ANK2: variants seen among roughly 807,000 people sequenced by gnomAD.
ANK2 encodes the protein ankyrin 2.
ANK2 carries 83 observed loss-of-function variants against 360.5 expected under a neutral mutation model. The ratio of observed to expected loss-of-function variants is 0.23; its 90% CI spans 0.19 to 0.28. The LOEUF is 0.28. Ranked by LOEUF, ANK2 falls within the 10% of genes least tolerant of loss-of-function variation. ANK2 has a pLI of 1.00. For synonymous variants in ANK2, 1,740 were observed against 1,759.5 expected (o/e 0.99, Z 0.28); for missense variants, 4,201 against 4,795.7 (o/e 0.88, Z 3.66).
At chr4:112,811,618 G>C in the ANK2 span, among the ~76,000 whole-genome samples, 1,262 of 152,216 alleles carry the variant, frequency 8.3e-3, 19 homozygotes, top group African/African-American at 0.029. Flanking sequence ...AGTATCCAGT[G>C]CCTTTATCAA....
At chr4:112,950,649 G>GAAAAAAAAAAA (rs55980674) in intron 2 of ANK2, among the ~76,000 whole-genome samples, 3 of 118,802 alleles carry the variant, frequency 2.5e-5, no homozygotes, top group South Asian at 2.5e-4. Flanking sequence ...GTCTCAAAAA[G>GAAAAAAAAAAA]AAAAAAAAAA....
chr4:112,770,561 C>T, the ANK2 span, among the ~76,000 whole-genome samples: 4 of 152,058 alleles, frequency 2.6e-5, no homozygotes, highest in Admixed American at 6.6e-5. Context: ...CAAAAATTAT[C>T]AGAGCATAGA....
chr4:113,202,002 G>A (rs1412510443), intron 4 of ANK2, among the ~76,000 whole-genome samples: 2 of 152,010 alleles, frequency 1.3e-5, no homozygotes, highest in South Asian at 2.1e-4. Flanking sequence ...CATTCATATT[G>A]TGCGAAAGTT....
At chr4:113,024,682 G>A (rs779519421) in intron 2 of ANK2, among the ~76,000 whole-genome samples, 40 of 152,080 alleles carry the variant, frequency 2.6e-4, no homozygotes, top group Non-Finnish European at 4.0e-4. Context: ...ATGGCATTAT[G>A]CAAATTTAAA....
chr4:113,102,245 A>G (rs1227615011), intron 1 of ANK2, among the ~76,000 whole-genome samples: 5 of 152,004 alleles, frequency 3.3e-5, no homozygotes, highest in African/African-American at 9.7e-5. Flanking sequence ...TTGGTGGAAA[A>G]ATTTATAAGA....
At chr4:112,761,360 C>G in the ANK2 span, among the ~76,000 whole-genome samples, 1 of 152,084 alleles carries the variant, frequency 6.6e-6, no homozygotes, top group Non-Finnish European at 1.5e-5. Flanking sequence ...GTGGCTCATG[C>G]CTGTAATCCC....
At chr4:112,805,026 A>G in the ANK2 span, among the ~76,000 whole-genome samples, 1 of 152,202 alleles carries the variant, frequency 6.6e-6, no homozygotes, top group Non-Finnish European at 1.5e-5. Context: ...TGAAGAACCA[A>G]TAAGAACAGT....
intron 2 of ANK2, among the ~76,000 whole-genome samples, chr4:113,028,388 A>T (rs570782820): frequency 6.6e-6 from 1 of 152,298 alleles, no homozygotes; most frequent in Admixed American, 6.5e-5. Flanking sequence ...AACACTTGTT[A>T]TCTCTCGTTC....
intron 1 of ANK2, chr4:113,160,401 G>C (rs770933102): frequency 8.4e-5 from 34 of 405,088 alleles, no homozygotes; most frequent in South Asian, 3.9e-4. Context: ...TGTAATCTTA[G>C]GCAATGAGTT....
At chr4:112,833,080 G>A (rs1579287540) in intron 1 of ANK2, among the ~76,000 whole-genome samples, 2 of 152,312 alleles carry the variant, frequency 1.3e-5, no homozygotes, top group East Asian at 3.9e-4. Flanking sequence ...TTTGAAAGGT[G>A]GTCTTACTTT....
intron 2 of ANK2, among the ~76,000 whole-genome samples, chr4:112,966,261 A>G (rs921624483): frequency 1.5e-4 from 22 of 151,698 alleles, no homozygotes; most frequent in Non-Finnish European, 2.8e-4. Context: ...GTAAAAGATT[A>G]TATCTCATTA....
intron 1 of ANK2, among the ~76,000 whole-genome samples, chr4:113,154,973 C>T (rs554552495): frequency 6.6e-6 from 1 of 152,274 alleles, no homozygotes; most frequent in South Asian, 2.1e-4. Flanking sequence ...CAGATCTATT[C>T]TACCCAGGAT....
chr4:113,245,988 G>T (rs754440013), intron 9 of ANK2, among the ~76,000 whole-genome samples: 1 of 152,056 alleles, frequency 6.6e-6, no homozygotes, highest in Non-Finnish European at 1.5e-5. Context: ...TAGAGACAGG[G>T]TTTCTCCATG....
intron 1 of ANK2, among the ~76,000 whole-genome samples, chr4:113,065,673 G>A (rs546020436): frequency 3.5e-4 from 54 of 152,288 alleles, no homozygotes; most frequent in Middle Eastern, 3.4e-3. Context: ...GAATTTCAGT[G>A]TTGATTTTGG....
At chr4:113,296,593 C>T (rs2071589922) in intron 22 of ANK2, among the ~76,000 whole-genome samples, 3 of 152,130 alleles carry the variant, frequency 2.0e-5, no homozygotes, top group Admixed American at 2.0e-4. Flanking sequence ...AAGGAAAAAC[C>T]ACTTCTGTAG....
At chr4:113,352,603 CA>C (rs1238027543) in intron 37 of ANK2, among the ~76,000 whole-genome samples, 1 of 151,926 alleles carries the variant, frequency 6.6e-6, no homozygotes, top group Non-Finnish European at 1.5e-5. Context: ...CAACTTTCTG[CA>C]ATTTCTAATG....
chr4:112,775,546 A>ACACACACACACACACACACACACACAC, the ANK2 span, among the ~76,000 whole-genome samples: 18 of 8,752 alleles, frequency 2.1e-3, no homozygotes, highest in Non-Finnish European at 5.5e-3. Context: ...CACACACACA[A>ACACACACACACACACACACACACACAC]GAAAAAAAAT....
At chr4:113,243,708 T>C (rs553751755) in intron 9 of ANK2, among the ~76,000 whole-genome samples, 16 of 152,326 alleles carry the variant, frequency 1.1e-4, no homozygotes, top group South Asian at 6.2e-4. Flanking sequence ...TTATTCTTTC[T>C]ATTTAAAGGA....
chr4:113,041,924 T>C, intron 2 of ANK2, among the ~76,000 whole-genome samples: 1 of 152,144 alleles, frequency 6.6e-6, no homozygotes, highest in East Asian at 1.9e-4. Flanking sequence ...ATCTCATTCA[T>C]GAGCAGTCCA....
Sources: gnomAD v4.1 joint callset for allele counts (sites outside exome capture counted in the v4.1 genomes callset) on GRCh38, gnomAD v4.1.1 for gene constraint, MANE v1.5 for transcripts, NCBI Gene and HGNC (gene_info 2026-07-23, HGNC 2026-07-21) for gene names.